Variants in PCDHA3 observed in about 807,000 individuals in gnomAD.
PCDHA3 encodes the protein protocadherin alpha 3.
A neutral mutation model predicts 62.2 loss-of-function variants in PCDHA3; 41 were observed. The ratio of observed to expected loss-of-function variants is 0.66; its 90% CI spans 0.51 to 0.86. PCDHA3 has a LOEUF of 0.86. PCDHA3 is among the 40% of genes least tolerant of loss of function. The pLI is 0.00. For synonymous variants in PCDHA3, 640 were observed against 555.4 expected (o/e 1.15, Z -2.14); for missense variants, 1,304 against 1,241.2 (o/e 1.05, Z -0.76).
intron 1 of PCDHA3, among the ~76,000 whole-genome samples, chr5:140,931,879 T>A (rs1335268218): frequency 3.3e-5 from 5 of 151,966 alleles, no homozygotes; most frequent in Non-Finnish European, 7.4e-5. Flanking sequence ...TATTTATTGC[T>A]TTCATTTTAT....
At chr5:140,866,935 T>C (rs782742299) in intron 1 of PCDHA3, 3 of 152,114 alleles carry the variant, frequency 2.0e-5, no homozygotes, top group African/African-American at 4.8e-5. Context: ...GCGCATAATC[T>C]CTTCACTAGG....
Position 140,801,859 on chromosome 5 carries a change from A to T in PCDHA3, c.662A>T (p.Glu221Val), listed in dbSNP as rs781796006. ...LITAIDGGKP[E>V]LTGTTQLKIT... ...ACAGCAATTGATGGTGGGAAACCAG[A>T]GCTCACTGGCACGACTCAACTAAAG... The change falls in exon 1 of 4, where the codon GAG becomes GTG. Residue 221 changes from glutamate to valine, a missense_variant. Glu to Val is a moderately radical substitution (Grantham distance 121). Transcript: ENST00000522353. 4.3e-6 allele frequency: 7 copies of T among 1,614,142 alleles called. No homozygotes were observed. The South Asian group carries it at 6.6e-5, about 15-fold the overall frequency.
In PCDHA3 at chr5:140,967,846, C is replaced by T. The variant is rs151021111; in HGVS notation, c.2395-11103C>T. ...TGGTGGACATCGTGGACGTGAATGA[C>T]AATGCCCCAGAGGTGGTGCTCACGG... On this transcript the variant is annotated intron_variant, in intron 1 of 3. Coordinates refer to ENST00000522353, the MANE Select transcript of PCDHA3 (RefSeq NM_018906.3). 708 of 1,614,166 alleles carry T rather than the reference C, an allele frequency of 4.4e-4. 2 individuals are homozygous for T. Among genetic ancestry groups the T allele is most frequent in the Middle Eastern group, 2.8e-3 (17 of 6,062 alleles).
chr5:140,840,493 T>C (rs2150307373), intron 1 of PCDHA3, among the ~76,000 whole-genome samples: 1 of 152,054 alleles, frequency 6.6e-6, no homozygotes, highest in Non-Finnish European at 1.5e-5. Context: ...ATAATTCTGG[T>C]AAATACTCAC....
At chr5:140,922,802 GA>G (rs1475670811) in intron 1 of PCDHA3, among the ~76,000 whole-genome samples, 1 of 152,162 alleles carries the variant, frequency 6.6e-6, no homozygotes, top group African/African-American at 2.4e-5. Flanking sequence ...TTGGAATACA[GA>G]AAAAGGAGAT....
Position 140,803,082 on chromosome 5 carries a change from G to C in PCDHA3, c.1885G>C (p.Gly629Arg). 1 of 1,613,954 alleles carries C rather than the reference G, an allele frequency of 6.2e-7. No homozygotes were observed. Among genetic ancestry groups the C allele is most frequent in the African/African-American group, 1.3e-5 (1 of 75,070 alleles). ...CCCGTTTCGCGTGGGGCTGTACACG[G>C]GAGAGATCAGCACGACCCGTGCCCT... ...RIPFRVGLYT[G>R]EISTTRALDE... The change falls in exon 1 of 4, where the codon GGA (glycine) becomes CGA (arginine). Residue 629 changes from glycine (G) to arginine (R), a missense_variant. Transcript: ENST00000522353.
chr5:140,978,704 G>A (rs1250477330), intron 1 of PCDHA3, among the ~76,000 whole-genome samples: 1 of 152,242 alleles, frequency 6.6e-6, no homozygotes, highest in African/African-American at 2.4e-5. Flanking sequence ...GCCAAAGGTG[G>A]CCTTTACAAG....
At chr5:140,942,619 TAA>T (rs35075175) in intron 1 of PCDHA3, among the ~76,000 whole-genome samples, 10 of 148,966 alleles carry the variant, frequency 6.7e-5, no homozygotes, top group Middle Eastern at 3.4e-3. Context: ...TTGCCAATTG[TAA>T]AAAAAAAAAT....
chr5:140,841,421 T>C, intron 1 of PCDHA3: 6 of 1,612,988 alleles, frequency 3.7e-6, no homozygotes, highest in Non-Finnish European at 5.1e-6. Context: ...GCTCCACTAC[T>C]CCGTCCCCGA....
At chr5:140,857,263 A>C (rs367883816) in intron 1 of PCDHA3, 1 of 1,598,420 alleles carries the variant, frequency 6.3e-7, no homozygotes, top group East Asian at 2.2e-5. Context: ...ATTACTACTC[A>C]TTGGTGCTGG....
intron 1 of PCDHA3, chr5:140,825,401 T>C (rs112444110): frequency 1.4e-5 from 2 of 144,590 alleles, no homozygotes; most frequent in Non-Finnish European, 3.0e-5. Context: ...TCTAATATAT[T>C]ATATATTTTA....
intron 1 of PCDHA3, chr5:140,825,426 T>A (rs1234497621): frequency 6.8e-6 from 1 of 147,558 alleles, no homozygotes; most frequent in African/African-American, 2.5e-5. Context: ...ATATATATAA[T>A]AAATATATAA....
intron 3 of PCDHA3, among the ~76,000 whole-genome samples, chr5:140,999,748 G>A (rs1563643254): frequency 1.3e-5 from 2 of 152,188 alleles, no homozygotes; most frequent in South Asian, 2.1e-4. Flanking sequence ...ATCTGGGTTC[G>A]CAGCACATGA....
chr5:140,836,764 A>G (rs1774728694), intron 1 of PCDHA3: 2 of 1,563,418 alleles, frequency 1.3e-6, no homozygotes, highest in Non-Finnish European at 1.7e-6. Context: ...TCTTGTTTCC[A>G]ACAATTTTAA....
chr5:140,893,205 T>A (rs192969362), intron 1 of PCDHA3, among the ~76,000 whole-genome samples: 1 of 152,338 alleles, frequency 6.6e-6, no homozygotes, highest in East Asian at 1.9e-4. Context: ...CTGCAGTAAG[T>A]ATGGGAGGTG....
intron 2 of PCDHA3, among the ~76,000 whole-genome samples, chr5:140,982,082 C>G (rs188673632): frequency 6.6e-6 from 1 of 152,276 alleles, no homozygotes; most frequent in Admixed American, 6.5e-5. Flanking sequence ...AGTAGAGAAC[C>G]TAGGAACAAG....
At chr5:140,843,010 G>A (rs1778474215) in intron 1 of PCDHA3, 2 of 1,595,044 alleles carry the variant, frequency 1.3e-6, no homozygotes, top group Non-Finnish European at 1.7e-6. Context: ...ACAACGCGCC[G>A]GCACTGCTGG....
At chr5:140,808,657 G>GTCC in intron 1 of PCDHA3, 1 of 1,613,180 alleles carries the variant, frequency 6.2e-7, no homozygotes, top group Non-Finnish European at 8.5e-7. Context: ...ACGCGCTGGT[G>GTCC]TCCTACTCGC....
At position 140,857,227 on chromosome 5, in the gene PCDHA3, G is replaced by T. The variant is rs148283153; in HGVS notation, c.2394+53636G>T. On this transcript the variant is annotated intron_variant, in intron 1 of 3. Transcript: ENST00000522353. ...CCTGCTCTCTGACGCCTCACGTTCC[G>T]TTCAAGCTGGTGTCCACCTACAAGA... is the stretch of plus-strand genomic sequence containing the variant. The T allele has an allele frequency of 7.5e-6, 12 of 1,598,330 alleles. No homozygotes were observed. In the African/African-American group the frequency reaches 1.5e-4, roughly 20 times the overall value.
Sources: allele counts gnomAD v4.1 joint callset (sites outside exome capture counted in the v4.1 genomes callset), GRCh38; gene constraint gnomAD v4.1.1; transcripts MANE v1.5; gene names NCBI Gene and HGNC (gene_info 2026-07-23, HGNC 2026-07-21).